Variants in CDH13 observed in about 807,000 individuals in gnomAD.
The protein encoded by CDH13 is cadherin 13.
CDH13 carries 24 observed loss-of-function variants against 63.8 expected under a neutral mutation model. The ratio of observed to expected loss-of-function variants is 0.38; its 90% CI spans 0.27 to 0.53. The LOEUF is 0.53. CDH13 is among the 20% of genes least tolerant of loss of function. The pLI is 0.85. For synonymous variants in CDH13, 503 were observed against 355.3 expected (o/e 1.42, Z -4.67); for missense variants, 1,049 against 903.1 (o/e 1.16, Z -2.07).
intron 7 of CDH13, among the ~76,000 whole-genome samples, chr16:83,588,626 C>A (rs1436715696): frequency 1.3e-5 from 2 of 152,166 alleles, no homozygotes; most frequent in East Asian, 3.9e-4. Flanking sequence ...AAGTGACTGA[C>A]ACATTGGAAA....
intron 7 of CDH13, among the ~76,000 whole-genome samples, chr16:83,532,980 G>T (rs977506952): frequency 6.6e-6 from 1 of 152,220 alleles, no homozygotes; most frequent in Admixed American, 6.5e-5. Flanking sequence ...AACTCGTGGT[G>T]ACAGAGCTCT....
intron 2 of CDH13, among the ~76,000 whole-genome samples, chr16:82,888,948 G>C (rs1007548678): frequency 7.9e-5 from 12 of 152,238 alleles, no homozygotes; most frequent in Middle Eastern, 3.4e-3. Flanking sequence ...TCATTGCTTG[G>C]GGTGTTTTAA....
chr16:83,121,481 C>G (rs769280472), intron 3 of CDH13, among the ~76,000 whole-genome samples: 1 of 152,090 alleles, frequency 6.6e-6, no homozygotes, highest in African/African-American at 2.4e-5. Context: ...GCACATTGGC[C>G]AGCATACGCT....
At chr16:83,537,901 A>G (rs1010117628) in intron 7 of CDH13, among the ~76,000 whole-genome samples, 1 of 152,170 alleles carries the variant, frequency 6.6e-6, no homozygotes, top group African/African-American at 2.4e-5. Flanking sequence ...CATAGTGCCT[A>G]TTTCTCTATT....
intron 1 of CDH13, among the ~76,000 whole-genome samples, chr16:82,629,477 T>G (rs1322705754): frequency 6.6e-6 from 1 of 152,106 alleles, no homozygotes; most frequent in East Asian, 1.9e-4. Context: ...TAGAAAAAAG[T>G]GGGGAAAGTC....
At chr16:83,002,332 A>T (rs1015092177) in intron 2 of CDH13, among the ~76,000 whole-genome samples, 6 of 152,198 alleles carry the variant, frequency 3.9e-5, no homozygotes, top group African/African-American at 1.4e-4. Context: ...TCTTGGAGTG[A>T]TGTGGCCTCA....
chr16:83,461,883 C>T lies in CDH13; in HGVS notation c.782-24594C>T, dbSNP rs2073191221. ...TACCCAAGATCTCACCAAAGCCAAACATACCCCAGAAAGCAGTGGCCTGCC... is the reference window on the plus strand; with the variant it reads ...TACCCAAGATCTCACCAAAGCCAAATATACCCCAGAAAGCAGTGGCCTGCC... On this transcript the variant is annotated intron_variant, in intron 6 of 13. Transcript: ENST00000567109. 2.0e-5 allele frequency among the ~76,000 whole-genome samples: 3 copies of T among 152,226 alleles called. No homozygotes were observed. The South Asian group carries it at 6.2e-4, about 31-fold the overall frequency.
intron 6 of CDH13, among the ~76,000 whole-genome samples, chr16:83,442,047 C>T (rs1026767620): frequency 6.6e-6 from 1 of 152,076 alleles, no homozygotes; most frequent in Admixed American, 6.6e-5. Flanking sequence ...TTTTTGTCCA[C>T]AAGCAAAATA....
At chr16:83,617,189 A>T (rs1452377907) in intron 8 of CDH13, among the ~76,000 whole-genome samples, 1 of 152,198 alleles carries the variant, frequency 6.6e-6, no homozygotes, top group African/African-American at 2.4e-5. Context: ...GGCCAAGCAC[A>T]GGGGCAACAT....
chr16:83,474,745 G>A (rs530272987), intron 6 of CDH13, among the ~76,000 whole-genome samples: 2 of 152,242 alleles, frequency 1.3e-5, no homozygotes, highest in Non-Finnish European at 2.9e-5. Flanking sequence ...TGTGAAGCCA[G>A]CACAGATCTC....
At chr16:82,915,114 G>A (rs936494675) in intron 2 of CDH13, among the ~76,000 whole-genome samples, 1 of 152,216 alleles carries the variant, frequency 6.6e-6, no homozygotes, top group East Asian at 1.9e-4. Context: ...AGCTTAAACA[G>A]AACTCAAGCC....
chr16:82,720,340 A>T (rs984239551), intron 1 of CDH13, among the ~76,000 whole-genome samples: 1 of 152,184 alleles, frequency 6.6e-6, no homozygotes, highest in African/African-American at 2.4e-5. Flanking sequence ...TATGATTATT[A>T]TACACAGTAC....
At chr16:82,897,098 A>G (rs2041297486) in intron 2 of CDH13, among the ~76,000 whole-genome samples, 1 of 152,074 alleles carries the variant, frequency 6.6e-6, no homozygotes, top group Non-Finnish European at 1.5e-5. Context: ...GTGCAATTCT[A>G]AAGAATTCTG....
At chr16:83,618,912 C>G (rs1909547655) in intron 8 of CDH13, among the ~76,000 whole-genome samples, 1 of 151,974 alleles carries the variant, frequency 6.6e-6, no homozygotes, top group Admixed American at 6.6e-5. Flanking sequence ...CAAAATAATT[C>G]AGGATTAATA....
rs547275831 is a variant in CDH13 at position 82,969,448 on chromosome 16, C to T, written c.158-62562C>T. ...GCTGAATACCTGCCTTAGGAAATCCCTCATTTTCTCTGGCTATTTTCTGCA... is the reference window on the plus strand; with the variant it reads ...GCTGAATACCTGCCTTAGGAAATCCTTCATTTTCTCTGGCTATTTTCTGCA... On this transcript the variant is annotated intron_variant, in intron 2 of 13. Coordinates refer to ENST00000567109, the MANE Select transcript of CDH13 (RefSeq NM_001257.5). Among the ~76,000 whole-genome samples the T allele has an allele frequency of 3.3e-5, 5 of 149,816 alleles. No individual in the cohort carries two copies. The East Asian group carries it at 5.9e-4, about 18-fold the overall frequency.
chr16:82,800,088 C>A (rs546154013), intron 1 of CDH13, among the ~76,000 whole-genome samples: 15 of 152,202 alleles, frequency 9.9e-5, no homozygotes, highest in African/African-American at 3.6e-4. Context: ...ACAGGAAGAC[C>A]CTTTGGTTGG....
chr16:83,371,851 A>G (rs1474971360), intron 6 of CDH13, among the ~76,000 whole-genome samples: 1 of 152,218 alleles, frequency 6.6e-6, no homozygotes, highest in African/African-American at 2.4e-5. Context: ...TACATTGCAG[A>G]AAGGCTATGA....
intron 1 of CDH13, among the ~76,000 whole-genome samples, chr16:82,632,157 C>G (rs1319404411): frequency 6.6e-6 from 1 of 152,198 alleles, no homozygotes; most frequent in Admixed American, 6.5e-5. Flanking sequence ...GGACGTGCCT[C>G]CGTAGCTTGC....
At chr16:83,629,033 C>T (rs1189012993) in intron 8 of CDH13, among the ~76,000 whole-genome samples, 3 of 152,140 alleles carry the variant, frequency 2.0e-5, no homozygotes, top group Admixed American at 2.0e-4. Context: ...CTGGTAATTG[C>T]TGGCCTATAA....
Sources: gnomAD v4.1 joint callset for allele counts (sites outside exome capture counted in the v4.1 genomes callset) on GRCh38, gnomAD v4.1.1 for gene constraint, MANE v1.5 for transcripts, NCBI Gene and HGNC (gene_info 2026-07-23, HGNC 2026-07-21) for gene names.